UMAD1: variants seen among roughly 807,000 people sequenced by gnomAD.
UMAD1 encodes UBAP1-MVB12-associated (UMA) domain containing 1.
Under a neutral mutation model 6.1 loss-of-function variants are expected in UMAD1, and 8 were observed. The observed-to-expected ratio is 1.30, with a 90% CI of 0.76 to 2.35. The LOEUF (loss-of-function observed/expected upper bound fraction) is 2.35, where lower values mean the gene tolerates loss of function less well. Among genes scored for constraint, UMAD1 ranks in the 30% most tolerant of loss-of-function variants. UMAD1 has a pLI of 0.00. For missense variants in UMAD1, 130 were observed against 78.4 expected (o/e 1.66, Z -2.49); for synonymous variants, 56 against 31.4 (o/e 1.78, Z -2.61).
At chr7:7,833,903 A>G (rs532889979) in intron 3 of UMAD1, among the ~76,000 whole-genome samples, 3 of 151,786 alleles carry the variant, frequency 2.0e-5, no homozygotes, top group East Asian at 1.9e-4. Context: ...TTCCCATCTT[A>G]TTCTGTCAAG....
intron 1 of UMAD1, among the ~76,000 whole-genome samples, chr7:7,670,572 C>A (rs765164587): frequency 6.6e-6 from 1 of 152,198 alleles, no homozygotes; most frequent in Non-Finnish European, 1.5e-5. Context: ...AAGTAACTCA[C>A]CCCTCCCCAA....
intron 2 of UMAD1, among the ~76,000 whole-genome samples, chr7:7,796,101 A>G (rs1303585267): frequency 6.6e-6 from 1 of 152,082 alleles, no homozygotes; most frequent in Admixed American, 6.5e-5. Context: ...AGAGGCCTGG[A>G]GTGAATGTTA....
intron 3 of UMAD1, among the ~76,000 whole-genome samples, chr7:7,852,631 C>T (rs542202245): frequency 5.5e-4 from 83 of 152,228 alleles, no homozygotes; most frequent in Non-Finnish European, 9.6e-4. Flanking sequence ...AAGAGATACA[C>T]GGGGTAAGGT....
intron 2 of UMAD1, among the ~76,000 whole-genome samples, chr7:7,770,992 G>A (rs1209775503): frequency 6.6e-6 from 1 of 152,148 alleles, no homozygotes; most frequent in African/African-American, 2.4e-5. Context: ...GAGATGGAGT[G>A]AGAAGAGAGC....
intron 1 of UMAD1, among the ~76,000 whole-genome samples, chr7:7,651,212 C>T (rs1038359609): frequency 1.3e-5 from 2 of 152,126 alleles, no homozygotes; most frequent in South Asian, 4.2e-4. Context: ...TACATAGAAA[C>T]CAGAAAGGAC....
At chr7:7,721,787 G>C (rs992752714) in intron 2 of UMAD1, among the ~76,000 whole-genome samples, 2 of 152,176 alleles carry the variant, frequency 1.3e-5, no homozygotes, top group Non-Finnish European at 2.9e-5. Context: ...GTGTCAACTT[G>C]ATTGGATTGA....
intron 3 of UMAD1, among the ~76,000 whole-genome samples, chr7:7,848,780 A>G (rs968600182): frequency 6.6e-6 from 1 of 152,118 alleles, no homozygotes; most frequent in African/African-American, 2.4e-5. Context: ...TAGGATTATT[A>G]GGTCAATTAT....
At chr7:7,682,443 A>G (rs28915980) in intron 2 of UMAD1, among the ~76,000 whole-genome samples, 453 of 152,266 alleles carry the variant, frequency 3.0e-3, no homozygotes, top group African/African-American at 0.01. Context: ...ATATTTTTAT[A>G]TGGAACTTTT....
rs149290464 is a variant in UMAD1, at chr7:7,652,302, T to TG, written c.-64+11481_-64+11482insG. Among the ~76,000 whole-genome samples the TG allele has an allele frequency of 1.6e-3, 237 of 152,346 alleles. 1 individual carries two copies. Among genetic ancestry groups the TG allele is most frequent in the African/African-American group, 5.4e-3 (226 of 41,574 alleles). ...GATTGTACTTCTTGGTCAATACCCA[T>TG]TGATCATGCAGTTCGTGGAAGTTTG... is the stretch of plus-strand genomic sequence containing the variant. On this transcript the variant is annotated intron_variant, in intron 1 of 3. Transcript: ENST00000682710.
At chr7:7,774,362 A>G (rs573131538) in intron 2 of UMAD1, among the ~76,000 whole-genome samples, 1 of 152,318 alleles carries the variant, frequency 6.6e-6, no homozygotes, top group African/African-American at 2.4e-5. Context: ...GGGACATGCT[A>G]ATTACTAGAA....
At chr7:7,797,846 C>T (rs1782719590) in intron 2 of UMAD1, among the ~76,000 whole-genome samples, 1 of 151,974 alleles carries the variant, frequency 6.6e-6, no homozygotes, top group Non-Finnish European at 1.5e-5. Context: ...ATGCCACCAC[C>T]CCCAGCTAAT....
chr7:7,644,769 TG>T (rs1400163347), intron 1 of UMAD1, among the ~76,000 whole-genome samples: 5 of 152,228 alleles, frequency 3.3e-5, no homozygotes, highest in Non-Finnish European at 7.3e-5. Flanking sequence ...TTTTGATGTC[TG>T]GGGCTGTGTT....
intron 2 of UMAD1, among the ~76,000 whole-genome samples, chr7:7,758,905 T>G (rs941902051): frequency 2.0e-5 from 3 of 152,202 alleles, no homozygotes; most frequent in Non-Finnish European, 4.4e-5. Flanking sequence ...GTACATATCT[T>G]GCTTCACGGA....
At chr7:7,665,148 A>G (rs1023763984) in intron 1 of UMAD1, among the ~76,000 whole-genome samples, 10 of 152,316 alleles carry the variant, frequency 6.6e-5, no homozygotes, top group African/African-American at 2.4e-4. Flanking sequence ...TTCAAAGGAG[A>G]TAATCAAATT....
At chr7:7,677,099 TTTTTTA>T (rs1048217589) in intron 2 of UMAD1, among the ~76,000 whole-genome samples, 3 of 152,138 alleles carry the variant, frequency 2.0e-5, no homozygotes, top group African/African-American at 4.8e-5. Flanking sequence ...TTGTTTTAAA[TTTTTTA>T]TTTTTAATCA....
At chr7:7,647,232 T>C (rs1483744650) in intron 1 of UMAD1, among the ~76,000 whole-genome samples, 3 of 152,220 alleles carry the variant, frequency 2.0e-5, no homozygotes, top group Non-Finnish European at 4.4e-5. Flanking sequence ...TTCAGCATAT[T>C]TCTTTTTTGA....
chr7:7,754,834 C>T (rs774349359), intron 2 of UMAD1, among the ~76,000 whole-genome samples: 9 of 152,112 alleles, frequency 5.9e-5, no homozygotes, highest in Non-Finnish European at 1.2e-4. Flanking sequence ...TGTGTATATA[C>T]ATATTTTTTT....
chr7:7,805,382 T>C (rs891144851), intron 3 of UMAD1, among the ~76,000 whole-genome samples: 1 of 152,142 alleles, frequency 6.6e-6, no homozygotes, highest in Non-Finnish European at 1.5e-5. Flanking sequence ...GCTCCTGTCT[T>C]TCCCTCACAC....
chr7:7,690,196 A>G (rs1202853702), intron 2 of UMAD1, among the ~76,000 whole-genome samples: 1 of 152,136 alleles, frequency 6.6e-6, no homozygotes, highest in Non-Finnish European at 1.5e-5. Flanking sequence ...TTAACTAGCA[A>G]CTCACCTGTA....
Sources: gnomAD v4.1 joint callset for allele counts (sites outside exome capture counted in the v4.1 genomes callset) on GRCh38, gnomAD v4.1.1 for gene constraint, MANE v1.5 for transcripts, NCBI Gene and HGNC (gene_info 2026-07-23, HGNC 2026-07-21) for gene names.